Variants in BTBD1 observed in about 807,000 individuals in gnomAD.
BTBD1 encodes BTB domain containing 1, also known as BTB/POZ domain-containing protein 1.
In BTBD1, 34 loss-of-function variants were observed where a neutral mutation model predicts 48.0. The observed-to-expected ratio is 0.71, with a 90% confidence interval of 0.54 to 0.94. The LOEUF (loss-of-function observed/expected upper bound fraction) is 0.94. BTBD1 is among the 40% of genes least tolerant of loss of function. The pLI, the probability that BTBD1 is intolerant of heterozygous loss-of-function variation, is 0.00. For missense variants in BTBD1, 543 were observed against 625.6 expected, an observed-to-expected ratio of 0.87 and a Z score of 1.41; for synonymous variants, 261 against 242.1, an observed-to-expected ratio of 1.08 and a Z score of -0.72.
In BTBD1 at chr15:83,016,798, C is replaced by T. The variant is rs999059850; in HGVS notation, c.*1269G>A. The stretch of plus-strand genomic sequence containing the variant: ...CCTCAGCCACCAATATACCTACCTT[C>T]TTTACAATATAAAGTGAAATATTAC... On this transcript the variant is annotated 3_prime_UTR_variant, in exon 8 of 8. Coordinates refer to ENST00000261721, the MANE Select transcript of BTBD1 (RefSeq NM_025238.4). 3.3e-5 allele frequency: 5 copies of T among 152,106 alleles called. No individual in the cohort carries two copies. Among genetic ancestry groups the T allele is most frequent in the African/African-American group, 1.2e-4 (5 of 41,402 alleles). The allele number at this position is 152,106 out of a possible 1,614,324, so 9.4% of individuals were successfully genotyped here.
intron 4 of BTBD1, among the ~76,000 whole-genome samples, chr15:83,033,426 T>C (rs768337496): frequency 6.6e-6 from 1 of 152,036 alleles, no homozygotes; most frequent in African/African-American, 2.4e-5. Context: ...ATCAAAAGGA[T>C]TATTGACTTT....
At chr15:83,032,422 C>T (rs1023494327) in intron 4 of BTBD1, among the ~76,000 whole-genome samples, 2 of 152,152 alleles carry the variant, frequency 1.3e-5, no homozygotes, top group Non-Finnish European at 2.9e-5. Flanking sequence ...GAAAAAGATA[C>T]TTGCACGTAC....
At chr15:83,020,469 A>T in intron 6 of BTBD1, 1 of 469,582 alleles carries the variant, frequency 2.1e-6, no homozygotes. Context: ...CTTATATGCT[A>T]CTGCTTTTGT....
chr15:83,061,647 C>A (rs117519486), intron 1 of BTBD1: 1 of 152,212 alleles, frequency 6.6e-6, no homozygotes, highest in Non-Finnish European at 1.5e-5. Context: ...GTCAAGCTAC[C>A]CTGCTGGAGA....
In BTBD1 at chr15:83,016,860, ATTAAG is replaced by A. The variant is rs1368342679; in HGVS notation, c.*1202_*1206del. ...ATTTTTTGTATCTTACTTAGAAAAA[ATTAAG>A]TTGATATTTAAAAGAATTTTGATTT... On this transcript the variant is annotated 3_prime_UTR_variant, in exon 8 of 8. Transcript: ENST00000261721. The A allele has an allele frequency of 1.3e-5, 2 of 152,254 alleles. No homozygotes were observed. The highest frequency in any genetic ancestry group is 2.9e-5 in the Non-Finnish European group (2 of 68,050). 9.4% of individuals were successfully genotyped at this position (152,254 alleles called of 1,614,324 possible).
At position 83,050,069 on chromosome 15, in the gene BTBD1, T is replaced by G. The variant is rs1235581638; in HGVS notation, c.664+4A>C. The stretch of plus-strand genomic sequence containing the variant: ...TGTAACAATTTACTTCATAGCGAAC[T>G]TACCTATATCAATATCAGTAAACCC... On this transcript the variant is annotated splice_donor_region_variant and intron_variant, in intron 3 of 7. Coordinates refer to ENST00000261721, the MANE Select transcript of BTBD1 (RefSeq NM_025238.4). 1.3e-6 allele frequency: 2 copies of G among 1,579,794 alleles called. No homozygotes were observed. The highest frequency in any genetic ancestry group is 2.7e-5 in the African/African-American group (2 of 74,326).
intron 1 of BTBD1, among the ~76,000 whole-genome samples, chr15:83,058,603 A>G (rs1288762091): frequency 6.6e-6 from 1 of 152,000 alleles, no homozygotes; most frequent in Non-Finnish European, 1.5e-5. Flanking sequence ...AGTGAGACTT[A>G]AAAAAATTTT....
intron 5 of BTBD1, among the ~76,000 whole-genome samples, chr15:83,023,208 T>C (rs1287681292): frequency 3.3e-5 from 5 of 152,202 alleles, no homozygotes; most frequent in Non-Finnish European, 4.4e-5. Flanking sequence ...CAATTCACTA[T>C]ATTTAACTAA....
chr15:83,063,276 T>C (rs968705452), intron 1 of BTBD1, among the ~76,000 whole-genome samples: 12 of 152,316 alleles, frequency 7.9e-5, no homozygotes, highest in Admixed American at 5.9e-4. Flanking sequence ...GTAATCTCAC[T>C]TGATCTCTCG....
intron 4 of BTBD1, 88 bp downstream of exon 4, chr15:83,041,640 C>G: frequency 8.0e-7 from 1 of 1,249,536 alleles, no homozygotes; most frequent in African/African-American, 1.5e-5. Context: ...CTCGAAAGTG[C>G]TGGGATTATA....
intron 3 of BTBD1, 27 bp downstream of exon 3, chr15:83,050,046 T>C (rs780739700): frequency 1.4e-6 from 2 of 1,434,296 alleles, no homozygotes; most frequent in Non-Finnish European, 9.8e-7. Context: ...ACTTAAAATG[T>C]AACAATTTAC....
intron 2 of BTBD1, among the ~76,000 whole-genome samples, chr15:83,055,695 A>T (rs988204639): frequency 2.0e-5 from 3 of 152,222 alleles, no homozygotes; most frequent in Non-Finnish European, 4.4e-5. Context: ...AGGTCCAAAG[A>T]TCGTTAATTT....
chr15:83,066,172 G>C (rs1339853819), intron 1 of BTBD1, among the ~76,000 whole-genome samples: 2 of 152,110 alleles, frequency 1.3e-5, no homozygotes, highest in Non-Finnish European at 2.9e-5. Flanking sequence ...GGTGGCGCGT[G>C]CCTGTAGTCC....
At chr15:83,055,292 C>CT (rs1256129288) in intron 2 of BTBD1, among the ~76,000 whole-genome samples, 1 of 152,202 alleles carries the variant, frequency 6.6e-6, no homozygotes, top group Non-Finnish European at 1.5e-5. Context: ...GCGTTTCCCT[C>CT]TGTCACCCAA....
chr15:83,060,460 CAAA>C (rs10706509), intron 1 of BTBD1, among the ~76,000 whole-genome samples: 1 of 111,196 alleles, frequency 9.0e-6, no homozygotes, highest in African/African-American at 3.1e-5. Flanking sequence ...TAATAATTTT[CAAA>C]AAAAAAAAAA....
At chr15:83,042,374 A>ATATATATATATG (rs1555440271) in intron 3 of BTBD1, among the ~76,000 whole-genome samples, 1 of 121,978 alleles carries the variant, frequency 8.2e-6, no homozygotes, top group African/African-American at 3.2e-5. Context: ...ATATATATAT[A>ATATATATATATG]TATGTATGTA....
intron 1 of BTBD1, 68 bp from the exon 2 acceptor site, chr15:83,056,613 A>T: frequency 1.5e-6 from 2 of 1,374,720 alleles, no homozygotes; most frequent in African/African-American, 1.4e-5. Flanking sequence ...CATCACAGTT[A>T]AATTTCTGAG....
intron 2 of BTBD1, among the ~76,000 whole-genome samples, chr15:83,051,879 C>T (rs112137202): frequency 2.8e-4 from 29 of 103,406 alleles, no homozygotes; most frequent in South Asian, 1.5e-3. Flanking sequence ...CATATATATA[C>T]ACACACACAC....
intron 2 of BTBD1, among the ~76,000 whole-genome samples, chr15:83,050,822 T>C (rs763658305): frequency 6.6e-6 from 1 of 152,108 alleles, no homozygotes; most frequent in Non-Finnish European, 1.5e-5. Context: ...GACGGAATAT[T>C]ATACAACAAT....
Sources: allele counts gnomAD v4.1 joint callset (sites outside exome capture counted in the v4.1 genomes callset), GRCh38; gene constraint gnomAD v4.1.1; transcripts MANE v1.5; gene names NCBI Gene and HGNC (gene_info 2026-07-23, HGNC 2026-07-21).